The following MYO1E variants were observed in gnomAD, a reference collection of about 807,000 sequenced individuals.
The protein encoded by MYO1E is unconventional myosin-Ie.
A neutral mutation model predicts 151.1 loss-of-function variants in MYO1E; 68 were observed. That is an observed-to-expected ratio of 0.45 (90% CI 0.37 to 0.55). The LOEUF is 0.55. MYO1E is among the 20% of genes least tolerant of loss of function. The pLI is 0.00. For missense variants in MYO1E, 1,363 were observed against 1,389.3 expected (o/e 0.98, Z 0.30); for synonymous variants, 601 against 501.7 (o/e 1.20, Z -2.64).
intron 3 of MYO1E, 24 bp from the exon 4 acceptor site, chr15:59,256,402 A>G (rs575135953): frequency 2.3e-6 from 3 of 1,314,422 alleles, no homozygotes; most frequent in African/African-American, 3.0e-5. Flanking sequence ...AAATAATAAT[A>G]CATAAATAAT....
intron 11 of MYO1E, 94 bp downstream of exon 11, chr15:59,214,546 G>GT (rs1342301197): frequency 2.1e-5 from 26 of 1,256,862 alleles, no homozygotes; most frequent in Admixed American, 1.5e-4. Flanking sequence ...TTTGTTTTCT[G>GT]TTTTTTTGTT....
At chr15:59,279,049 C>G (rs1164047098) in intron 1 of MYO1E, among the ~76,000 whole-genome samples, 1 of 152,078 alleles carries the variant, frequency 6.6e-6, no homozygotes, top group African/African-American at 2.4e-5. Flanking sequence ...AAAGTTTCAT[C>G]CATTTAAATA....
intron 26 of MYO1E, among the ~76,000 whole-genome samples, chr15:59,149,062 T>TG (rs2079460378): frequency 1.2e-5 from 1 of 84,140 alleles, no homozygotes; most frequent in Admixed American, 1.2e-4. Flanking sequence ...GTTTTTTTTT[T>TG]TTTTTTTTTT....
intron 26 of MYO1E, among the ~76,000 whole-genome samples, chr15:59,151,660 C>T (rs1009085788): frequency 3.9e-5 from 6 of 152,154 alleles, no homozygotes; most frequent in Non-Finnish European, 7.4e-5. Context: ...CGCCTGTAAT[C>T]CCAGCACTTT....
At chr15:59,284,245 G>A (rs1363769608) in intron 1 of MYO1E, among the ~76,000 whole-genome samples, 3 of 152,356 alleles carry the variant, frequency 2.0e-5, no homozygotes, top group African/African-American at 7.2e-5. Context: ...CACTGTGGCA[G>A]CAGCTATCGT....
intron 19 of MYO1E, among the ~76,000 whole-genome samples, chr15:59,175,947 AAAC>A (rs1566970968): frequency 6.6e-6 from 1 of 152,064 alleles, no homozygotes; most frequent in African/African-American, 2.4e-5. Context: ...CCAAACCAAA[AAAC>A]AACAACAGGA....
rs1384991844 is a variant in MYO1E, at chr15:59,239,826, G to A, written c.333-3154C>T. The stretch of plus-strand genomic sequence containing the variant: ...TTTATTGATCAGAGGCTGGTGAGTT[G>A]GTCAAAATATGGTACAATAATGGAA... On this transcript the variant is annotated intron_variant, in intron 4 of 27. Transcript: ENST00000288235. 3.9e-5 allele frequency among the ~76,000 whole-genome samples: 6 copies of A among 152,110 alleles called. No homozygotes were observed. In the East Asian group the frequency reaches 1.2e-3, roughly 29 times the overall value.
At chr15:59,218,481 ATT>A (rs1226788853) in intron 9 of MYO1E, among the ~76,000 whole-genome samples, 1 of 152,224 alleles carries the variant, frequency 6.6e-6, no homozygotes, top group East Asian at 1.9e-4. Context: ...GGCTCCAAAT[ATT>A]GTTTTCTTCC....
intron 1 of MYO1E, among the ~76,000 whole-genome samples, chr15:59,311,241 T>C (rs991920382): frequency 5.9e-5 from 9 of 152,104 alleles, no homozygotes; most frequent in African/African-American, 1.4e-4. Flanking sequence ...ATGACAGTCA[T>C]AGGAGTGGAA....
chr15:59,158,778 C>T lies in MYO1E; in HGVS notation c.2786-399G>A, dbSNP rs139172508. Among the ~76,000 whole-genome samples, 134 of 152,334 alleles carry T rather than the reference C, an allele frequency of 8.8e-4. 1 individual carries two copies. Among genetic ancestry groups the T allele is most frequent in the African/African-American group, 3.0e-3 (126 of 41,562 alleles). ...GGATCAACGGGGTTGGCATGAAGCC[C>T]GTTCTGGCACTGACTGCACACCTGC... On this transcript the variant is annotated intron_variant, in intron 24 of 27. Coordinates refer to ENST00000288235, the MANE Select transcript of MYO1E (RefSeq NM_004998.4).
intron 1 of MYO1E, among the ~76,000 whole-genome samples, chr15:59,331,974 T>C (rs1158984856): frequency 6.6e-6 from 1 of 152,236 alleles, no homozygotes; most frequent in African/African-American, 2.4e-5. Context: ...AACGTGAGGC[T>C]ACTACAAGTG....
chr15:59,331,219 C>T (rs987625869), intron 1 of MYO1E, among the ~76,000 whole-genome samples: 1 of 152,112 alleles, frequency 6.6e-6, no homozygotes, highest in African/African-American at 2.4e-5. Context: ...TTTTGCTAAA[C>T]CGATGTAGGA....
intron 26 of MYO1E, among the ~76,000 whole-genome samples, chr15:59,142,073 C>G (rs1405669423): frequency 6.6e-6 from 1 of 151,854 alleles, no homozygotes; most frequent in East Asian, 1.9e-4. Context: ...TGCCACTGCA[C>G]TCCAGCCTGG....
chr15:59,165,296 A>G (rs1789882648), intron 22 of MYO1E, among the ~76,000 whole-genome samples: 1 of 152,192 alleles, frequency 6.6e-6, no homozygotes, highest in Admixed American at 6.5e-5. Flanking sequence ...TGGAAGCAAG[A>G]GGCCAGTGTC....
chr15:59,252,910 A>G (rs2080173500), intron 4 of MYO1E, among the ~76,000 whole-genome samples: 1 of 152,188 alleles, frequency 6.6e-6, no homozygotes, highest in East Asian at 1.9e-4. Context: ...AGCAAAGGAA[A>G]AAGAAAAGAA....
Position 59,135,670 on chromosome 15 carries a change from G to A in MYO1E, c.*1710C>T, listed in dbSNP as rs931864980. 1 of 152,184 alleles carries A rather than the reference G, an allele frequency of 6.6e-6. No homozygotes were observed. Among genetic ancestry groups the A allele is most frequent in the Admixed American group, 6.5e-5 (1 of 15,286 alleles). The allele number at this position is 152,184 out of a possible 1,614,324, so 9.4% of individuals were successfully genotyped here. On this transcript the variant is annotated 3_prime_UTR_variant, in exon 28 of 28. Coordinates refer to ENST00000288235, the MANE Select transcript of MYO1E (RefSeq NM_004998.4). Reference sequence around the variant, plus strand: ...GAAGTAAAACACAGCAGAATTAAATGTATCTTCGTTTCAAATCTAGATCAA... The same window carrying A: ...GAAGTAAAACACAGCAGAATTAAATATATCTTCGTTTCAAATCTAGATCAA...
intron 1 of MYO1E, among the ~76,000 whole-genome samples, chr15:59,367,157 C>G (rs1284553799): frequency 6.6e-6 from 1 of 152,104 alleles, no homozygotes; most frequent in Non-Finnish European, 1.5e-5. Context: ...AGAGATTTCT[C>G]AAATTCCTAA....
intron 6 of MYO1E, among the ~76,000 whole-genome samples, chr15:59,229,401 A>G (rs1300687407): frequency 1.3e-5 from 2 of 152,254 alleles, no homozygotes; most frequent in East Asian, 1.9e-4. Context: ...CTGCTCTAAC[A>G]TAATAAAATG....
At chr15:59,141,108 A>G (rs546707581) in intron 26 of MYO1E, among the ~76,000 whole-genome samples, 57 of 152,312 alleles carry the variant, frequency 3.7e-4, no homozygotes, top group African/African-American at 1.3e-3. Flanking sequence ...CCTGGATACC[A>G]GACGTCATGT....
Sources: allele counts gnomAD v4.1 joint callset (sites outside exome capture counted in the v4.1 genomes callset), GRCh38; gene constraint gnomAD v4.1.1; transcripts MANE v1.5; gene names NCBI Gene and HGNC (gene_info 2026-07-23, HGNC 2026-07-21).